OXSR1: variants seen among roughly 807,000 people sequenced by gnomAD.
OXSR1 encodes serine/threonine-protein kinase OSR1.
OXSR1 carries 24 observed loss-of-function variants against 79.8 expected under a neutral mutation model. The observed-to-expected ratio is 0.30, with a 90% CI of 0.22 to 0.42. The LOEUF (loss-of-function observed/expected upper bound fraction) is 0.42, where lower values mean the gene tolerates loss of function less well. OXSR1 is among the 10% of genes least tolerant of loss of function. The pLI is 1.00. For missense variants in OXSR1, 430 were observed against 618.4 expected, an observed-to-expected ratio of 0.70 and a Z score of 3.23; for synonymous variants, 226 against 209.2, an observed-to-expected ratio of 1.08 and a Z score of -0.69.
chr3:38,208,954 TAAG>T (rs1166354810), intron 4 of OXSR1, among the ~76,000 whole-genome samples: 2 of 129,118 alleles, frequency 1.5e-5, no homozygotes, highest in Non-Finnish European at 3.3e-5. Context: ...GTAACCCAGT[TAAG>T]GAGTGTGTGT....
chr3:38,180,298 C>A (rs1701758551), intron 1 of OXSR1, among the ~76,000 whole-genome samples: 1 of 152,168 alleles, frequency 6.6e-6, no homozygotes, highest in East Asian at 1.9e-4. Context: ...CATGGGTCAA[C>A]TGTACTCATT....
intron 3 of OXSR1, among the ~76,000 whole-genome samples, chr3:38,192,177 C>T (rs569267410): frequency 6.6e-5 from 10 of 152,264 alleles, no homozygotes; most frequent in African/African-American, 2.4e-4. Flanking sequence ...ATCAGTTATA[C>T]TCTATTCTTT....
intron 1 of OXSR1, among the ~76,000 whole-genome samples, chr3:38,171,674 T>G (rs1018150748): frequency 6.6e-6 from 1 of 152,182 alleles, no homozygotes. Context: ...GACTTTTTTT[T>G]TTTTTTAAAG....
At position 38,165,801 on chromosome 3, in the gene OXSR1, G is replaced by C. The variant is rs1418386086; in HGVS notation, c.-76G>C. 1 of 1,314,986 alleles carries C rather than the reference G, an allele frequency of 7.6e-7. No homozygotes were observed. The highest frequency in any genetic ancestry group is 1.1e-6 in the Non-Finnish European group (1 of 932,986). The allele number at this position is 1,314,986 out of a possible 1,614,324, so 81.5% of individuals were successfully genotyped here. A position where few individuals can be genotyped will look rare whatever the true frequency, so the allele number is the denominator to read the frequency against. On this transcript the variant is annotated 5_prime_UTR_variant, in exon 1 of 18. Coordinates refer to ENST00000311806, the MANE Select transcript of OXSR1 (RefSeq NM_005109.3). Reference sequence around the variant, plus strand: ...CGGCGGCGGCGGCGGCGGCTGTTGGGGGTGGGGAGACGCGCGGCGAGGAGA... The same window carrying C: ...CGGCGGCGGCGGCGGCGGCTGTTGGCGGTGGGGAGACGCGCGGCGAGGAGA...
intron 8 of OXSR1, 72 bp downstream of exon 8, chr3:38,224,776 T>G: frequency 1.0e-6 from 1 of 998,552 alleles, no homozygotes; most frequent in Admixed American, 3.0e-5. Flanking sequence ...CACATACTCA[T>G]ATGTACAGGA....
In OXSR1 at chr3:38,250,027, T is replaced by C; in HGVS notation, c.1375+9T>C. On this transcript the variant is annotated intron_variant, in intron 15 of 17. Coordinates refer to ENST00000311806, the MANE Select transcript of OXSR1 (RefSeq NM_005109.3). Reference sequence around the variant, plus strand: ...ATTTACTCCTGGGAGAGGTGAGGCATCAAATGGATTGAAAACAAAATAGCT... The same window carrying C: ...ATTTACTCCTGGGAGAGGTGAGGCACCAAATGGATTGAAAACAAAATAGCT... The C allele has an allele frequency of 6.4e-7, 1 of 1,551,934 alleles. No individual in the cohort carries two copies. Among genetic ancestry groups the C allele is most frequent in the Non-Finnish European group, 8.9e-7 (1 of 1,125,094 alleles).
intron 3 of OXSR1, chr3:38,193,358 C>T (rs888984807): frequency 4.7e-6 from 6 of 1,288,724 alleles, no homozygotes; most frequent in Non-Finnish European, 6.1e-6. Flanking sequence ...TAACACCAAC[C>T]ACCTTTCAAG....
intron 3 of OXSR1, chr3:38,193,295 A>T (rs1702016690): frequency 1.6e-6 from 2 of 1,289,598 alleles, no homozygotes; most frequent in Admixed American, 2.3e-5. Context: ...CACACTGGAG[A>T]AACTGGATTG....
rs1413199361 is a variant in OXSR1, at chr3:38,253,592, G to C, written c.*701G>C. On this transcript the variant is annotated 3_prime_UTR_variant, in exon 18 of 18. Coordinates refer to ENST00000311806, the MANE Select transcript of OXSR1 (RefSeq NM_005109.3). Reference sequence around the variant, plus strand: ...GACTGTAGCCGAACTTCAGCCATCAGATCCTTCAAAGTGGAACTTTGGATT... The same window carrying C: ...GACTGTAGCCGAACTTCAGCCATCACATCCTTCAAAGTGGAACTTTGGATT... 1 of 152,626 alleles carries C rather than the reference G, an allele frequency of 6.6e-6. No homozygotes were observed. The highest frequency in any genetic ancestry group is 1.5e-5 in the Non-Finnish European group (1 of 68,072). 9.5% of individuals were successfully genotyped at this position (152,626 alleles called of 1,614,324 possible).
Position 38,247,841 on chromosome 3 carries a change from T to C in OXSR1, c.1322+109T>C, listed in dbSNP as rs932184343. On this transcript the variant is annotated intron_variant, in intron 14 of 17. Transcript: ENST00000311806. ...GGATAGGATTGTATGTCCTCCAGCA[T>C]CAAGCTCTGTTTGCTTGGTGGTGTA... The C allele has an allele frequency of 2.0e-5, 13 of 642,078 alleles. No individual in the cohort carries two copies. The African/African-American group carries it at 2.2e-4, about 11-fold the overall frequency. 39.8% of individuals were successfully genotyped at this position (642,078 alleles called of 1,614,324 possible). A position where few individuals can be genotyped will look rare whatever the true frequency, so the allele number is the denominator to read the frequency against.
chr3:38,185,013 G>A (rs1383828776), intron 2 of OXSR1, among the ~76,000 whole-genome samples: 13 of 127,648 alleles, frequency 1.0e-4, no homozygotes, highest in African/African-American at 3.3e-4. Context: ...GCGCGATCTC[G>A]GCTCACTCTG....
At chr3:38,167,907 T>C (rs1701498981) in intron 1 of OXSR1, among the ~76,000 whole-genome samples, 1 of 142,462 alleles carries the variant, frequency 7.0e-6, no homozygotes, top group African/African-American at 2.7e-5. Flanking sequence ...TTTTTTTTTT[T>C]CTGGTAGTGT....
At chr3:38,251,338 G>T (rs1703251346) in intron 15 of OXSR1, 65 bp from the exon 16 acceptor site, 2 of 1,301,602 alleles carry the variant, frequency 1.5e-6, no homozygotes, top group African/African-American at 1.4e-5. Context: ...ACCCACATGA[G>T]CTGTGAGAGT....
chr3:38,193,152 G>A (rs1702013207), intron 3 of OXSR1: 3 of 535,054 alleles, frequency 5.6e-6, no homozygotes, highest in East Asian at 1.4e-4. Flanking sequence ...GATGATACAT[G>A]TAAATCATCC....
intron 12 of OXSR1, among the ~76,000 whole-genome samples, chr3:38,245,761 TG>T (rs1328683537): frequency 6.6e-6 from 1 of 151,752 alleles, no homozygotes; most frequent in East Asian, 1.9e-4. Flanking sequence ...TTTTTGGGGG[TG>T]ATGGAAGTGT....
chr3:38,219,982 T>C lies in OXSR1; in HGVS notation c.491-1596T>C, dbSNP rs143642369. On this transcript the variant is annotated intron_variant, in intron 5 of 17. Transcript: ENST00000311806. Reference sequence around the variant, plus strand: ...GCCACAATGCCCAGCTAATTTTCTATTTTTTGTACAGATGGGGTCTCACTG... The same window carrying C: ...GCCACAATGCCCAGCTAATTTTCTACTTTTTGTACAGATGGGGTCTCACTG... Among the ~76,000 whole-genome samples, 402 of 152,226 alleles carry C rather than the reference T, an allele frequency of 2.6e-3. 3 individuals carry two copies. The highest frequency in any genetic ancestry group is 9.3e-3 in the African/African-American group (388 of 41,542).
chr3:38,181,576 G>A (rs1701787318), intron 1 of OXSR1, among the ~76,000 whole-genome samples: 2 of 151,802 alleles, frequency 1.3e-5, no homozygotes, highest in Non-Finnish European at 2.9e-5. Flanking sequence ...CAAGATGGTC[G>A]CGATCTCCTG....
chr3:38,198,175 T>C (rs1429129996), intron 3 of OXSR1, among the ~76,000 whole-genome samples: 1 of 152,236 alleles, frequency 6.6e-6, no homozygotes, highest in East Asian at 1.9e-4. Flanking sequence ...AGAACTGTTA[T>C]TTTTATTCTT....
chr3:38,171,840 C>T (rs1701588320), intron 1 of OXSR1, among the ~76,000 whole-genome samples: 1 of 152,152 alleles, frequency 6.6e-6, no homozygotes, highest in African/African-American at 2.4e-5. Flanking sequence ...ATGTGTTATA[C>T]TGTATTTGGC....
Sources: allele counts gnomAD v4.1 joint callset (sites outside exome capture counted in the v4.1 genomes callset), GRCh38; gene constraint gnomAD v4.1.1; transcripts MANE v1.5; gene names NCBI Gene and HGNC (gene_info 2026-07-23, HGNC 2026-07-21).